NGEF: variants seen among roughly 807,000 people sequenced by gnomAD.
NGEF encodes the protein neuronal guanine nucleotide exchange factor, also known as ephexin-1.
NGEF carries 31 observed loss-of-function variants against 80.9 expected under a neutral mutation model. That is an observed-to-expected ratio of 0.38 (90% CI 0.29 to 0.52). The LOEUF is 0.52. Among genes scored for constraint, NGEF ranks in the 20% least tolerant of loss-of-function variants. NGEF has a pLI of 0.84. For missense variants in NGEF, 709 were observed against 926.2 expected (o/e 0.77, Z 3.04); for synonymous variants, 371 against 370.2 (o/e 1.00, Z -0.03).
At chr2:232,961,217 C>T (rs1000074309) in intron 3 of NGEF, among the ~76,000 whole-genome samples, 14 of 152,158 alleles carry the variant, frequency 9.2e-5, no homozygotes, top group African/African-American at 3.4e-4. Flanking sequence ...AATCATTAAT[C>T]TACTGCCTCT....
intron 5 of NGEF, among the ~76,000 whole-genome samples, chr2:232,904,511 G>C (rs1240141018): frequency 6.6e-6 from 1 of 152,152 alleles, no homozygotes; most frequent in African/African-American, 2.4e-5. Flanking sequence ...GTACAGGCGT[G>C]AGCCACCACA....
chr2:232,969,486 T>C (rs1262809500), intron 3 of NGEF, among the ~76,000 whole-genome samples: 2 of 99,118 alleles, frequency 2.0e-5, no homozygotes. Flanking sequence ...CCTTCCTTCC[T>C]TCCTCCCTCC....
chr2:232,906,077 T>C (rs1395797629), intron 5 of NGEF, among the ~76,000 whole-genome samples: 3 of 98,392 alleles, frequency 3.0e-5, no homozygotes, highest in Non-Finnish European at 6.2e-5. Flanking sequence ...GGTGAGGGGG[T>C]CAGCCCCCCG....
At chr2:232,940,629 A>G (rs567969427) in intron 3 of NGEF, among the ~76,000 whole-genome samples, 1 of 152,254 alleles carries the variant, frequency 6.6e-6, no homozygotes, top group South Asian at 2.1e-4. Flanking sequence ...ATATTTCTCA[A>G]ATGGAATACT....
rs201473824 is a variant in NGEF, at chr2:232,920,274, C to T, written c.828+10G>A. On this transcript the variant is annotated intron_variant, in intron 5 of 14. Coordinates refer to ENST00000264051, the MANE Select transcript of NGEF (RefSeq NM_019850.3). ...CTGTGGGGGAGCCCCCGCCCCTCGG[C>T]GCCTGTTACCTCCTGCAGCTTAATC... 8.0e-4 allele frequency: 1,278 copies of T among 1,607,420 alleles called. 3 individuals are homozygous for T. The highest frequency in any genetic ancestry group is 1.3e-3 in the East Asian group (60 of 44,784).
At chr2:232,920,795 G>C (rs1330595409) in intron 4 of NGEF, among the ~76,000 whole-genome samples, 2 of 152,086 alleles carry the variant, frequency 1.3e-5, no homozygotes, top group African/African-American at 4.8e-5. Context: ...AGACCAGCAT[G>C]CTTATGTTTT....
At chr2:232,948,335 C>T (rs1207576745) in intron 3 of NGEF, among the ~76,000 whole-genome samples, 1 of 152,014 alleles carries the variant, frequency 6.6e-6, no homozygotes, top group Non-Finnish European at 1.5e-5. Context: ...AGATTACAGG[C>T]GCCCGCCACC....
Position 232,953,130 on chromosome 2 carries a change from T to C in NGEF, c.383+17084A>G, listed in dbSNP as rs542167529. On this transcript the variant is annotated intron_variant, in intron 3 of 14. Transcript: ENST00000264051. ...CAGCCTGACCAAGATGGTGAAACCC[T>C]GTCTCTACTAAAAATACAAAAATTA... 3.8e-4 allele frequency among the ~76,000 whole-genome samples: 58 copies of C among 151,392 alleles called. 1 individual carries two copies. In the East Asian group the frequency reaches 6.8e-3, roughly 18 times the overall value.
chr2:232,964,054 A>G (rs1694008263), intron 3 of NGEF, among the ~76,000 whole-genome samples: 1 of 152,250 alleles, frequency 6.6e-6, no homozygotes, highest in Admixed American at 6.5e-5. Flanking sequence ...ACCACAATAC[A>G]GTAAGACAGA....
At chr2:232,920,231 G>A in intron 5 of NGEF, 53 bp downstream of exon 5, 1 of 1,549,232 alleles carries the variant, frequency 6.5e-7, no homozygotes, top group Non-Finnish European at 8.8e-7. Context: ...CCCCAGCAGT[G>A]AGGGCCACCC....
rs539924993 is a variant in NGEF, at chr2:232,900,381, C to T, written c.829-5465G>A. On this transcript the variant is annotated intron_variant, in intron 5 of 14. Coordinates refer to ENST00000264051, the MANE Select transcript of NGEF (RefSeq NM_019850.3). ...TCACTCACATTCACTTACACACACA[C>T]GCTCTCACAGTCACTCATATACACG... 9.9e-4 allele frequency among the ~76,000 whole-genome samples: 102 copies of T among 103,200 alleles called. 3 individuals are homozygous for T. Among genetic ancestry groups the T allele is most frequent in the Middle Eastern group, 6.0e-3 (1 of 168 alleles). 67.7% of individuals were successfully genotyped at this position (103,200 alleles called of 152,430 possible).
In NGEF at chr2:232,879,310, C is replaced by T. The variant is rs1163153859; in HGVS notation, c.*179G>A. The T allele has an allele frequency of 3.3e-6, 2 of 603,646 alleles. No individual in the cohort carries two copies. The highest frequency in any genetic ancestry group is 2.3e-5 in the South Asian group (1 of 43,460). 37.4% of individuals were successfully genotyped at this position (603,646 alleles called of 1,614,324 possible). On this transcript the variant is annotated 3_prime_UTR_variant, in exon 15 of 15. Transcript: ENST00000264051. Reference sequence around the variant, plus strand: ...GCTTGGGCACCCTTTATCCAGTTTGCGAGCAAGGGGCCAAGACACATGAGC... The same window carrying T: ...GCTTGGGCACCCTTTATCCAGTTTGTGAGCAAGGGGCCAAGACACATGAGC...
intron 5 of NGEF, among the ~76,000 whole-genome samples, chr2:232,913,183 G>C (rs147968703): frequency 4.9e-4 from 75 of 152,300 alleles, no homozygotes; most frequent in African/African-American, 1.8e-3. Flanking sequence ...CACTTGGTAT[G>C]CTGCGGATTC....
chr2:232,910,484 G>A (rs897774369), intron 5 of NGEF, among the ~76,000 whole-genome samples: 2 of 152,040 alleles, frequency 1.3e-5, no homozygotes, highest in Admixed American at 6.5e-5. Flanking sequence ...GGGGGTTGGG[G>A]ACCCCTGTGC....
intron 11 of NGEF, 65 bp from the exon 12 acceptor site, chr2:232,883,531 C>G (rs1691582798): frequency 1.4e-6 from 2 of 1,424,808 alleles, no homozygotes; most frequent in Non-Finnish European, 1.8e-6. Flanking sequence ...CCCAGGAGAG[C>G]CCCACTTGGC....
chr2:232,995,180 T>C (rs1261664970), intron 1 of NGEF, among the ~76,000 whole-genome samples: 1 of 45,716 alleles, frequency 2.2e-5, no homozygotes, highest in Non-Finnish European at 4.3e-5. Context: ...ATGTGTACAG[T>C]ATGTATGCTG....
chr2:232,933,318 C>T (rs978831888), intron 3 of NGEF, among the ~76,000 whole-genome samples: 73 of 152,038 alleles, frequency 4.8e-4, no homozygotes, highest in African/African-American at 1.7e-3. Context: ...GTGCACCCAC[C>T]GTCTCCCCCA....
At chr2:233,002,071 G>GT (rs2106343944) in intron 1 of NGEF, among the ~76,000 whole-genome samples, 1 of 152,130 alleles carries the variant, frequency 6.6e-6, no homozygotes, top group African/African-American at 2.4e-5. Flanking sequence ...GGGGGCTGTG[G>GT]TTTTTTCCAT....
intron 4 of NGEF, 76 bp downstream of exon 4, chr2:232,926,968 T>C: frequency 1.3e-6 from 2 of 1,575,550 alleles, no homozygotes; most frequent in Non-Finnish European, 8.7e-7. Flanking sequence ...CGGCATCCCA[T>C]GAGCAGGAGG....
Sources: gnomAD v4.1 joint callset for allele counts (sites outside exome capture counted in the v4.1 genomes callset) on GRCh38, gnomAD v4.1.1 for gene constraint, MANE v1.5 for transcripts, NCBI Gene and HGNC (gene_info 2026-07-23, HGNC 2026-07-21) for gene names.